NBEAL1: variants seen among roughly 807,000 people sequenced by gnomAD.
NBEAL1 encodes neurobeachin like 1.
A neutral mutation model predicts 351.3 loss-of-function variants in NBEAL1; 273 were observed. The ratio of observed to expected loss-of-function variants is 0.78; its 90% CI spans 0.70 to 0.86. The LOEUF (loss-of-function observed/expected upper bound fraction) is 0.86. Among genes scored for constraint, NBEAL1 ranks in the 40% least tolerant of loss-of-function variants. NBEAL1 has a pLI of 0.00. For missense variants in NBEAL1, 2,961 were observed against 3,201.3 expected (o/e 0.92, Z 1.81); for synonymous variants, 1,050 against 1,086.4 (o/e 0.97, Z 0.66).
intron 54 of NBEAL1, 53 bp from the exon 55 acceptor site, chr2:203,213,465 G>A (rs576071294): frequency 6.8e-7 from 1 of 1,463,800 alleles, no homozygotes; most frequent in African/African-American, 1.4e-5. Context: ...AAAATTCTGT[G>A]AATTCATTAT....
intron 44 of NBEAL1, among the ~76,000 whole-genome samples, chr2:203,186,802 A>G (rs531379767): frequency 4.6e-5 from 7 of 152,254 alleles, no homozygotes; most frequent in South Asian, 4.1e-4. Context: ...TGTCAGCTCT[A>G]TTGGACAAAA....
At chr2:203,023,407 A>G (rs1031953812) in intron 2 of NBEAL1, among the ~76,000 whole-genome samples, 4 of 152,238 alleles carry the variant, frequency 2.6e-5, no homozygotes, top group African/African-American at 9.6e-5. Flanking sequence ...GAATTTAGGT[A>G]TGAAAGCAAG....
chr2:203,046,130 T>C (rs2061221177), intron 3 of NBEAL1, among the ~76,000 whole-genome samples: 1 of 151,890 alleles, frequency 6.6e-6, no homozygotes, highest in Non-Finnish European at 1.5e-5. Flanking sequence ...GCCTGGACAA[T>C]ATAGCAAGAC....
intron 25 of NBEAL1, 137 bp from the exon 26 acceptor site, chr2:203,131,836 A>G: frequency 1.8e-6 from 1 of 561,992 alleles, no homozygotes; most frequent in Non-Finnish European, 2.9e-6. Flanking sequence ...GTTAATAGCA[A>G]TACTTACTAA....
chr2:203,068,491 A>G lies in NBEAL1; in HGVS notation c.598+16A>G. On this transcript the variant is annotated intron_variant, in intron 7 of 55. Coordinates refer to ENST00000683969, the MANE Select transcript of NBEAL1 (RefSeq NM_001378026.1). ...TTCTTTTATCGTAAGTAACACCTCT[A>G]ATTTCTCTTGCTATGATTATCATCT... 7.1e-7 allele frequency: 1 copy of G among 1,403,684 alleles called. No homozygotes were observed. The highest frequency in any genetic ancestry group is 1.3e-5 in the South Asian group (1 of 79,704). 87.0% of individuals were successfully genotyped at this position (1,403,684 alleles called of 1,614,324 possible). A position where few individuals can be genotyped will look rare whatever the true frequency, so the allele number is the denominator to read the frequency against.
chr2:203,197,426 C>T, intron 48 of NBEAL1, 35 bp downstream of exon 48: 1 of 1,272,324 alleles, frequency 7.9e-7, no homozygotes, highest in Non-Finnish European at 1.1e-6. Context: ...CACTGCTATG[C>T]CTATATTCAT....
chr2:203,123,381 G>A (rs988265285), intron 19 of NBEAL1, among the ~76,000 whole-genome samples: 1 of 144,668 alleles, frequency 6.9e-6, no homozygotes, highest in Non-Finnish European at 1.5e-5. Context: ...CTGTCGCCCT[G>A]GCTGGAGTGC....
intron 47 of NBEAL1, among the ~76,000 whole-genome samples, chr2:203,194,187 G>A (rs1206923566): frequency 3.3e-5 from 5 of 152,052 alleles, no homozygotes; most frequent in Non-Finnish European, 7.4e-5. Flanking sequence ...AATGCTTCTT[G>A]TGACAATCGA....
intron 19 of NBEAL1, among the ~76,000 whole-genome samples, chr2:203,124,706 G>T (rs1320187067): frequency 6.6e-6 from 1 of 152,110 alleles, no homozygotes; most frequent in Non-Finnish European, 1.5e-5. Flanking sequence ...AGCAAACCTT[G>T]TATGGTATCG....
intron 55 of NBEAL1, among the ~76,000 whole-genome samples, chr2:203,216,813 T>C (rs1242935239): frequency 6.6e-6 from 1 of 152,160 alleles, no homozygotes; most frequent in East Asian, 1.9e-4. Flanking sequence ...TATATGTGTG[T>C]GTATGAGAGA....
In NBEAL1 at chr2:203,213,549, C is replaced by T. The variant is rs1008370402; in HGVS notation, c.7966C>T (p.Arg2656Ter). The stretch of plus-strand genomic sequence containing the variant: ...TCTCAGCATCAACCCATTAGCCATG[C>T]GACTGCCTATCCATTGTGTTTGTGT... Reference protein sequence around the residue: ...LNLSINPLAMRLPIHCVCVTK... With the variant: ...LNLSINPLAM Residue 2656 changes from arginine (R) to a stop codon, truncating the protein, a stop_gained, in exon 55 of 56, where the codon CGA becomes TGA. Coordinates refer to ENST00000683969, the MANE Select transcript of NBEAL1 (RefSeq NM_001378026.1). LOFTEE classifies it high-confidence loss of function. 6.2e-6 allele frequency: 10 copies of T among 1,613,542 alleles called. No homozygotes were observed. Among genetic ancestry groups the T allele is most frequent in the South Asian group, 1.1e-5 (1 of 90,958 alleles).
At chr2:203,034,197 C>T (rs925475012) in intron 2 of NBEAL1, among the ~76,000 whole-genome samples, 11 of 141,364 alleles carry the variant, frequency 7.8e-5, no homozygotes, top group Non-Finnish European at 1.7e-4. Context: ...CTTGCTTTGT[C>T]TCCAGGCTGG....
At chr2:203,162,573 T>C (rs1165811838) in intron 36 of NBEAL1, among the ~76,000 whole-genome samples, 3 of 151,208 alleles carry the variant, frequency 2.0e-5, no homozygotes, top group Admixed American at 2.0e-4. Context: ...CAAAATTCCA[T>C]CTCTACCAAA....
At position 203,213,580 on chromosome 2, in the gene NBEAL1, A is replaced by G. The variant is rs755953199; in HGVS notation, c.7997A>G (p.Lys2666Arg). 1 of 1,614,010 alleles carries G rather than the reference A, an allele frequency of 6.2e-7. No individual in the cohort carries two copies. The highest frequency in any genetic ancestry group is 1.3e-5 in the African/African-American group (1 of 74,932). The change falls in exon 55 of 56, where the codon AAA (lysine) becomes AGA (arginine). Residue 2666 changes from lysine to arginine, a missense_variant. By Grantham distance (26) the Lys-to-Arg change is conservative. Transcript: ENST00000683969. ...CCTATCCATTGTGTTTGTGTCACCAAAGAATACAGCCATATTCTTGTAGGT... is the reference window on the plus strand; with the variant it reads ...CCTATCCATTGTGTTTGTGTCACCAGAGAATACAGCCATATTCTTGTAGGT... ...RLPIHCVCVT[K>R]EYSHILVGLE...
intron 7 of NBEAL1, among the ~76,000 whole-genome samples, chr2:203,071,254 A>G (rs917481241): frequency 2.0e-5 from 3 of 152,064 alleles, no homozygotes; most frequent in African/African-American, 7.2e-5. Flanking sequence ...TGGAGTCTGG[A>G]AAGTCCAGCA....
chr2:203,074,420 C>T (rs943296073), intron 7 of NBEAL1, among the ~76,000 whole-genome samples: 16 of 149,564 alleles, frequency 1.1e-4, no homozygotes, highest in South Asian at 2.1e-4. Flanking sequence ...CTCCGCCTCC[C>T]GGGTTCAAGC....
chr2:203,066,320 A>G (rs1055833512), intron 6 of NBEAL1, among the ~76,000 whole-genome samples: 7 of 130,374 alleles, frequency 5.4e-5, no homozygotes, highest in African/African-American at 2.0e-4. Flanking sequence ...ATTAAATTTT[A>G]TCCTTTTTTT....
intron 4 of NBEAL1, among the ~76,000 whole-genome samples, chr2:203,054,743 C>G (rs1160378291): frequency 6.6e-6 from 1 of 152,078 alleles, no homozygotes; most frequent in Non-Finnish European, 1.5e-5. Context: ...ATAATATTGT[C>G]TTTCTTCTCA....
intron 2 of NBEAL1, among the ~76,000 whole-genome samples, chr2:203,026,646 C>G (rs897931707): frequency 6.6e-6 from 1 of 151,946 alleles, no homozygotes; most frequent in Non-Finnish European, 1.5e-5. Flanking sequence ...TCTCAAGTGT[C>G]TGGAACTACT....
Sources: gnomAD v4.1 joint callset for allele counts (sites outside exome capture counted in the v4.1 genomes callset) on GRCh38, gnomAD v4.1.1 for gene constraint, MANE v1.5 for transcripts, NCBI Gene and HGNC (gene_info 2026-07-23, HGNC 2026-07-21) for gene names.